The following TRAPPC9 variants were observed in gnomAD, a reference collection of about 807,000 sequenced individuals.
The protein encoded by TRAPPC9 is trafficking protein particle complex subunit 9, also known as IKK2 binding protein.
Under a neutral mutation model 124.0 loss-of-function variants are expected in TRAPPC9, and 83 were observed. The observed-to-expected ratio is 0.67, with a 90% confidence interval of 0.56 to 0.80. The LOEUF (loss-of-function observed/expected upper bound fraction) is 0.80, where lower values mean the gene tolerates loss of function less well. Among genes scored for constraint, TRAPPC9 ranks in the 30% least tolerant of loss-of-function variants. The pLI, the probability that TRAPPC9 is intolerant of heterozygous loss-of-function variation, is 0.00. For missense variants in TRAPPC9, 1,302 were observed against 1,508.3 expected, an observed-to-expected ratio of 0.86 and a Z score of 2.27; for synonymous variants, 638 against 617.5, an observed-to-expected ratio of 1.03 and a Z score of -0.49.
intron 17 of TRAPPC9, among the ~76,000 whole-genome samples, chr8:140,074,644 C>G (rs1385829041): frequency 6.6e-6 from 1 of 152,198 alleles, no homozygotes; most frequent in Non-Finnish European, 1.5e-5. Flanking sequence ...AGAGGAAAGA[C>G]AGTCCCCGCC....
chr8:139,839,202 T>C (rs1563853774), intron 21 of TRAPPC9, among the ~76,000 whole-genome samples: 1 of 152,212 alleles, frequency 6.6e-6, no homozygotes, highest in Non-Finnish European at 1.5e-5. Context: ...ACTTCACACA[T>C]TCAGCAAATG....
intron 19 of TRAPPC9, among the ~76,000 whole-genome samples, chr8:139,928,306 A>C (rs1832926867): frequency 6.6e-6 from 1 of 152,208 alleles, no homozygotes; most frequent in Non-Finnish European, 1.5e-5. Context: ...AGCCTGGCCA[A>C]CATGGCAAAA....
intron 19 of TRAPPC9, among the ~76,000 whole-genome samples, chr8:139,952,266 T>A (rs1219089355): frequency 6.6e-6 from 1 of 152,222 alleles, no homozygotes; most frequent in Non-Finnish European, 1.5e-5. Flanking sequence ...TCCCATTTAA[T>A]CTTCACAATA....
At chr8:140,355,386 C>T (rs569381267) in intron 9 of TRAPPC9, among the ~76,000 whole-genome samples, 11 of 152,272 alleles carry the variant, frequency 7.2e-5, no homozygotes, top group Admixed American at 5.9e-4. Flanking sequence ...TCCCATCAAC[C>T]GCCTGATCTG....
At chr8:140,223,961 A>G (rs1381541144) in intron 16 of TRAPPC9, among the ~76,000 whole-genome samples, 3 of 152,240 alleles carry the variant, frequency 2.0e-5, no homozygotes, top group South Asian at 2.1e-4. Flanking sequence ...AAAATAGCAC[A>G]TGAAGGAATC....
chr8:139,753,198 C>G (rs1425669023), intron 21 of TRAPPC9, among the ~76,000 whole-genome samples: 7 of 150,864 alleles, frequency 4.6e-5, no homozygotes, highest in Non-Finnish European at 4.4e-5. Context: ...CCCATGCATC[C>G]ATTCACCCAT....
intron 21 of TRAPPC9, among the ~76,000 whole-genome samples, chr8:139,820,043 C>T (rs1370445890): frequency 2.7e-5 from 4 of 149,222 alleles, no homozygotes; most frequent in South Asian, 2.1e-4. Flanking sequence ...AGAAAACTAC[C>T]GTCCAAAACC....
intron 21 of TRAPPC9, among the ~76,000 whole-genome samples, chr8:139,740,511 T>C (rs1432055192): frequency 6.6e-6 from 1 of 152,154 alleles, no homozygotes; most frequent in Non-Finnish European, 1.5e-5. Context: ...TGGTAAAGTG[T>C]GTCTCACTCA....
At chr8:139,801,806 T>A (rs966179864) in intron 21 of TRAPPC9, among the ~76,000 whole-genome samples, 10 of 152,206 alleles carry the variant, frequency 6.6e-5, no homozygotes, top group African/African-American at 1.7e-4. Context: ...CAAGCGCCAA[T>A]TAGCTAATAA....
chr8:139,765,409 G>A (rs1192287863), intron 21 of TRAPPC9, among the ~76,000 whole-genome samples: 2 of 152,216 alleles, frequency 1.3e-5, no homozygotes, highest in Non-Finnish European at 2.9e-5. Flanking sequence ...TAGACAAATA[G>A]TCCAAAGCTT....
At chr8:140,410,735 C>G (rs555483494) in intron 5 of TRAPPC9, among the ~76,000 whole-genome samples, 2 of 151,340 alleles carry the variant, frequency 1.3e-5, no homozygotes, top group Admixed American at 1.3e-4. Context: ...CCCAGCTACT[C>G]GGGAGGCTGA....
rs542447254 is a variant in TRAPPC9 at position 139,919,767 on chromosome 8, C to T, written c.2811-9467G>A. Reference sequence around the variant, plus strand: ...TTTCTTCAACTTGGTGCCCCCCATGCTACCAGTGTGTGGCCCAGAGCAGGT... The same window carrying T: ...TTTCTTCAACTTGGTGCCCCCCATGTTACCAGTGTGTGGCCCAGAGCAGGT... On this transcript the variant is annotated intron_variant, in intron 19 of 22. Transcript: ENST00000438773. 2.6e-5 allele frequency among the ~76,000 whole-genome samples: 4 copies of T among 152,298 alleles called. No individual in the cohort carries two copies. In the East Asian group the frequency reaches 5.8e-4, roughly 22 times the overall value.
At chr8:140,377,089 T>G (rs2068463639) in intron 7 of TRAPPC9, among the ~76,000 whole-genome samples, 1 of 152,154 alleles carries the variant, frequency 6.6e-6, no homozygotes, top group South Asian at 2.1e-4. Flanking sequence ...AGTCCGCGCT[T>G]GACCCCTGAT....
chr8:140,306,820 G>C (rs937937398), intron 10 of TRAPPC9, among the ~76,000 whole-genome samples: 1 of 152,256 alleles, frequency 6.6e-6, no homozygotes, highest in East Asian at 1.9e-4. Flanking sequence ...ACTTGGGAAG[G>C]GCAGATATTC....
intron 2 of TRAPPC9, among the ~76,000 whole-genome samples, chr8:140,439,717 T>G (rs2070941412): frequency 6.6e-6 from 1 of 152,212 alleles, no homozygotes; most frequent in African/African-American, 2.4e-5. Context: ...GCTCTTTAAA[T>G]ATTGGCAAGG....
intron 21 of TRAPPC9, among the ~76,000 whole-genome samples, chr8:139,794,626 T>C (rs1285582108): frequency 6.6e-6 from 1 of 152,172 alleles, no homozygotes; most frequent in African/African-American, 2.4e-5. Context: ...GGCAGGGCCA[T>C]GACCTGGCCA....
chr8:139,894,264 G>A (rs759911998), intron 20 of TRAPPC9, among the ~76,000 whole-genome samples: 42 of 152,214 alleles, frequency 2.8e-4, no homozygotes, highest in Non-Finnish European at 4.9e-4. Flanking sequence ...GACCCTCACC[G>A]AGCAGTGTGC....
intron 5 of TRAPPC9, among the ~76,000 whole-genome samples, chr8:140,411,202 T>C (rs1564006208): frequency 6.6e-6 from 1 of 152,192 alleles, no homozygotes; most frequent in Admixed American, 6.5e-5. Context: ...CTAGAATCAA[T>C]GAACCTTAGG....
At chr8:140,282,497 C>T (rs2065352922) in intron 14 of TRAPPC9, among the ~76,000 whole-genome samples, 1 of 130,528 alleles carries the variant, frequency 7.7e-6, no homozygotes, top group Non-Finnish European at 1.6e-5. Context: ...AGCCAGACTC[C>T]ACCTCAAAAA....
Sources: gnomAD v4.1 joint callset for allele counts (sites outside exome capture counted in the v4.1 genomes callset) on GRCh38, gnomAD v4.1.1 for gene constraint, MANE v1.5 for transcripts, NCBI Gene and HGNC (gene_info 2026-07-23, HGNC 2026-07-21) for gene names.